SNX2: variants seen among roughly 807,000 people sequenced by gnomAD.
SNX2 encodes the protein sorting nexin-2.
Under a neutral mutation model 69.9 loss-of-function variants are expected in SNX2, and 25 were observed. The ratio of observed to expected loss-of-function variants is 0.36; its 90% CI spans 0.26 to 0.50. The LOEUF (loss-of-function observed/expected upper bound fraction) is 0.50. SNX2 is among the 20% of genes least tolerant of loss of function. The pLI is 0.97. For synonymous variants in SNX2, 229 were observed against 200.4 expected (o/e 1.14, Z -1.20); for missense variants, 551 against 613.3 (o/e 0.90, Z 1.07).
chr5:122,813,987 T>G (rs1052039080), intron 7 of SNX2, among the ~76,000 whole-genome samples: 1 of 152,102 alleles, frequency 6.6e-6, no homozygotes, highest in Non-Finnish European at 1.5e-5. Flanking sequence ...TTGGTCAGGC[T>G]GGTCTCGAAC....
Position 122,784,116 on chromosome 5 carries a change from G to C in SNX2, c.108+8905G>C, listed in dbSNP as rs184672142. ...TAGCAACTGTTCTAAACACTTACTA[G>C]GTTTAGTAGGTTTTTGTAGAGTCCG... On this transcript the variant is annotated intron_variant, in intron 1 of 14. Transcript: ENST00000379516. 3.8e-3 allele frequency among the ~76,000 whole-genome samples: 574 copies of C among 151,804 alleles called. 2 individuals carry two copies. Among genetic ancestry groups the C allele is most frequent in the South Asian group, 5.0e-3 (24 of 4,806 alleles).
At chr5:122,806,007 C>G (rs1054819990) in intron 6 of SNX2, among the ~76,000 whole-genome samples, 1 of 151,868 alleles carries the variant, frequency 6.6e-6, no homozygotes, top group Admixed American at 6.6e-5. Flanking sequence ...GTCTCGATCT[C>G]CTGAGCTCAT....
rs1754297168 is a variant in SNX2 at position 122,831,823 on chromosome 5, A to G, written c.*2175A>G. Among the ~76,000 whole-genome samples, 1 of 152,136 alleles carries G rather than the reference A, an allele frequency of 6.6e-6. No individual in the cohort carries two copies. On this transcript the variant is annotated 3_prime_UTR_variant, in exon 15 of 15. Transcript: ENST00000379516. ...GATGTGGTACATTAGAATATTCAGT[A>G]CCTCCAAGTAAAATAATAAATATTT...
intron 1 of SNX2, among the ~76,000 whole-genome samples, chr5:122,787,306 G>A (rs1169587809): frequency 1.3e-5 from 2 of 152,116 alleles, no homozygotes; most frequent in South Asian, 2.1e-4. Flanking sequence ...GATCACTTGA[G>A]GTCAGGAGTT....
chr5:122,829,501 G>A (rs78787636), intron 14 of SNX2, 97 bp from the exon 15 acceptor site: 21,719 of 940,538 alleles, frequency 0.023, 346 homozygotes, highest in Non-Finnish European at 0.031. Flanking sequence ...TACCCAGCCC[G>A]GCTTATGTAG....
At chr5:122,799,670 A>G in intron 2 of SNX2, 22 bp from the exon 3 acceptor site, 2 of 1,595,266 alleles carry the variant, frequency 1.3e-6, no homozygotes, top group Middle Eastern at 3.3e-4. Flanking sequence ...GTTCTTAACT[A>G]ACTTGTTTAA....
intron 1 of SNX2, among the ~76,000 whole-genome samples, chr5:122,786,655 T>G (rs1753095945): frequency 6.6e-6 from 1 of 151,964 alleles, no homozygotes; most frequent in Non-Finnish European, 1.5e-5. Flanking sequence ...AGTTTTGCAG[T>G]TGGCACCATC....
At chr5:122,811,624 G>A (rs908392511) in intron 7 of SNX2, among the ~76,000 whole-genome samples, 12 of 151,908 alleles carry the variant, frequency 7.9e-5, no homozygotes, top group Non-Finnish European at 1.5e-4. Context: ...GAGGTCAAGA[G>A]ATCAAGACCA....
chr5:122,806,956 T>G (rs1753672794), intron 6 of SNX2, among the ~76,000 whole-genome samples: 1 of 152,242 alleles, frequency 6.6e-6, no homozygotes, highest in Non-Finnish European at 1.5e-5. Flanking sequence ...AAAGGCTTTA[T>G]TGGAATATAA....
chr5:122,816,881 G>A (rs1262771451), intron 8 of SNX2, 34 bp from the exon 9 acceptor site: 8 of 1,347,456 alleles, frequency 5.9e-6, no homozygotes, highest in African/African-American at 2.9e-5. Flanking sequence ...GCTTTTAACC[G>A]GTTTGTTTGC....
intron 3 of SNX2, 66 bp downstream of exon 3, chr5:122,799,921 C>CAGCA (rs1292944121): frequency 9.8e-6 from 12 of 1,222,934 alleles, no homozygotes; most frequent in African/African-American, 1.5e-5. Context: ...CAACATCACT[C>CAGCA]TGCTGTTAGT....
chr5:122,822,688 T>C (rs1754051544), intron 11 of SNX2, among the ~76,000 whole-genome samples: 1 of 152,202 alleles, frequency 6.6e-6, no homozygotes, highest in Admixed American at 6.5e-5. Context: ...GTATAGTACA[T>C]GGTCTCTGCA....
At chr5:122,801,530 A>C (rs1363187555) in intron 3 of SNX2, among the ~76,000 whole-genome samples, 2 of 151,470 alleles carry the variant, frequency 1.3e-5, no homozygotes, top group Non-Finnish European at 2.9e-5. Flanking sequence ...GCTTGAACCC[A>C]GGAGGTGGAG....
chr5:122,777,345 C>T (rs937291019), intron 1 of SNX2, among the ~76,000 whole-genome samples: 2 of 152,306 alleles, frequency 1.3e-5, no homozygotes, highest in South Asian at 4.1e-4. Flanking sequence ...ATTTTTAACA[C>T]GCTTTCCTGA....
chr5:122,796,050 G>C (rs1380598105), intron 2 of SNX2, among the ~76,000 whole-genome samples: 1 of 152,144 alleles, frequency 6.6e-6, no homozygotes, highest in Non-Finnish European at 1.5e-5. Context: ...TAATTTACCT[G>C]AACTGGCTTT....
At chr5:122,815,366 T>C (rs941648777) in intron 7 of SNX2, among the ~76,000 whole-genome samples, 1 of 152,192 alleles carries the variant, frequency 6.6e-6, no homozygotes, top group Non-Finnish European at 1.5e-5. Context: ...GAAGAAAATT[T>C]AGTTCTTGTC....
chr5:122,813,935 A>G (rs575153798), intron 7 of SNX2, among the ~76,000 whole-genome samples: 49 of 151,814 alleles, frequency 3.2e-4, no homozygotes, highest in African/African-American at 1.1e-3. Context: ...CACCACCCCC[A>G]GCTAATTTTT....
chr5:122,819,470 C>A (rs745721169), intron 11 of SNX2, among the ~76,000 whole-genome samples: 58 of 152,078 alleles, frequency 3.8e-4, no homozygotes, highest in Admixed American at 3.9e-4. Context: ...GACTTTGTAT[C>A]CTCAAATATG....
At position 122,803,527 on chromosome 5, in the gene SNX2, A is replaced by T; in HGVS notation, c.557A>T (p.Asp186Val). The part of the protein sequence containing the change: ...SEFSVKRRFS[D>V]FLGLHSKLAS... ...TTTTCAGTGAAAAGAAGATTCAGCG[A>T]CTTTCTTGGTTTGCACAGCAAATTA... The change falls in exon 6 of 15, where the codon GAC becomes GTC. Residue 186 changes from aspartate (D) to valine (V), a missense_variant. This residue lies in a region of SNX2 where 360 missense variants were observed against 450.4 expected (regional missense o/e 0.80). Transcript: ENST00000379516. The T allele has an allele frequency of 6.2e-7, 1 of 1,612,846 alleles. No individual in the cohort carries two copies. Among genetic ancestry groups the T allele is most frequent in the Non-Finnish European group, 8.5e-7 (1 of 1,179,582 alleles).
Sources: allele counts gnomAD v4.1 joint callset (sites outside exome capture counted in the v4.1 genomes callset), GRCh38; gene constraint gnomAD v4.1.1; regional missense constraint gnomAD v4.1.1; transcripts MANE v1.5; gene names NCBI Gene and HGNC (gene_info 2026-07-23, HGNC 2026-07-21).